ARHGEF3: variants seen among roughly 807,000 people sequenced by gnomAD.
ARHGEF3 encodes Rho guanine nucleotide exchange factor 3.
A neutral mutation model predicts 63.2 loss-of-function variants in ARHGEF3; 28 were observed. That is an observed-to-expected ratio of 0.44 (90% confidence interval 0.33 to 0.61). The LOEUF (loss-of-function observed/expected upper bound fraction) is 0.61, where lower values mean the gene tolerates loss of function less well. Ranked by LOEUF, ARHGEF3 falls within the 20% of genes least tolerant of loss-of-function variation. The probability of loss-of-function intolerance (pLI) is 0.03; values close to 1 mark genes in which losing one functional copy is unlikely to be tolerated. For missense variants in ARHGEF3, 533 were observed against 659.3 expected (o/e 0.81, Z 2.10); for synonymous variants, 266 against 254.2 (o/e 1.05, Z -0.44).
At chr3:56,895,853 A>T (rs985984903) in intron 3 of ARHGEF3, among the ~76,000 whole-genome samples, 3 of 152,220 alleles carry the variant, frequency 2.0e-5, no homozygotes, top group African/African-American at 7.2e-5. Context: ...AGACAGGGGC[A>T]TCTTTAAGGA....
chr3:57,072,643 G>A (rs1705976668), intron 1 of ARHGEF3, among the ~76,000 whole-genome samples: 2 of 150,212 alleles, frequency 1.3e-5, no homozygotes. Context: ...TAGGGAGGCT[G>A]AGGCATGAGA....
At chr3:57,036,535 T>C (rs1437415915) in intron 1 of ARHGEF3, among the ~76,000 whole-genome samples, 2 of 152,294 alleles carry the variant, frequency 1.3e-5, no homozygotes, top group East Asian at 3.9e-4. Flanking sequence ...CCTTCTTCAG[T>C]CTCAGGCATT....
intron 4 of ARHGEF3, among the ~76,000 whole-genome samples, chr3:56,812,767 G>T (rs772885050): frequency 2.6e-5 from 4 of 152,182 alleles, no homozygotes; most frequent in South Asian, 2.1e-4. Context: ...ATAGACTCAA[G>T]AACTTTTTAT....
At chr3:57,013,344 G>A (rs774196149) in intron 2 of ARHGEF3, among the ~76,000 whole-genome samples, 2 of 152,250 alleles carry the variant, frequency 1.3e-5, no homozygotes, top group African/African-American at 2.4e-5. Context: ...TCCAGTAGGG[G>A]CTTGGAGAAC....
At chr3:57,051,293 G>A (rs1704657877) in intron 1 of ARHGEF3, among the ~76,000 whole-genome samples, 1 of 152,106 alleles carries the variant, frequency 6.6e-6, no homozygotes, top group Non-Finnish European at 1.5e-5. Context: ...TTCGAGACCA[G>A]CCTGACCAAC....
intron 4 of ARHGEF3, chr3:56,882,287 C>T: frequency 6.4e-7 from 1 of 1,551,660 alleles, no homozygotes; most frequent in Non-Finnish European, 8.7e-7. Flanking sequence ...AAGGACTATA[C>T]TTACACTTAT....
At chr3:56,910,492 A>C (rs4681931) in intron 3 of ARHGEF3, among the ~76,000 whole-genome samples, 148,827 of 152,296 alleles carry the variant, frequency 0.98, 72,824 homozygotes, top group South Asian at 1. Flanking sequence ...GATATAATAT[A>C]ATCTCAGACC....
chr3:57,042,680 ATATATATATATATATATATAT>A (rs1159928948), intron 1 of ARHGEF3, among the ~76,000 whole-genome samples: 768 of 27,706 alleles, frequency 0.028, 62 homozygotes, highest in Admixed American at 0.047. Context: ...ATATATATAT[ATATATATATATATATATATAT>A]TTTTTTTTTT....
At chr3:56,934,419 T>G (rs2042494962) in intron 3 of ARHGEF3, among the ~76,000 whole-genome samples, 1 of 152,246 alleles carries the variant, frequency 6.6e-6, no homozygotes, top group African/African-American at 2.4e-5. Context: ...CTTTCTGGGC[T>G]GGCCAAGGCT....
chr3:56,883,907 T>C (rs1242529985), intron 3 of ARHGEF3, among the ~76,000 whole-genome samples: 2 of 152,198 alleles, frequency 1.3e-5, no homozygotes, highest in Non-Finnish European at 1.5e-5. Flanking sequence ...CAAACAGAAC[T>C]ACTCTTTTTT....
chr3:56,985,911 G>T (rs902301162), intron 2 of ARHGEF3, among the ~76,000 whole-genome samples: 1 of 152,232 alleles, frequency 6.6e-6, no homozygotes, highest in Non-Finnish European at 1.5e-5. Flanking sequence ...GGTCACCAGG[G>T]ACACTCAGGG....
chr3:56,945,272 A>G (rs1267524040), intron 3 of ARHGEF3, among the ~76,000 whole-genome samples: 1 of 152,126 alleles, frequency 6.6e-6, no homozygotes, highest in Non-Finnish European at 1.5e-5. Flanking sequence ...AAGTGGGTGC[A>G]GGACAGTGGA....
intron 4 of ARHGEF3, among the ~76,000 whole-genome samples, chr3:56,852,015 T>C (rs901661294): frequency 3.9e-5 from 6 of 152,342 alleles, no homozygotes; most frequent in Non-Finnish European, 4.4e-5. Context: ...TCCAGCCTTG[T>C]GGATTTGGCC....
At chr3:57,068,350 A>G (rs1705685481) in intron 1 of ARHGEF3, among the ~76,000 whole-genome samples, 1 of 152,192 alleles carries the variant, frequency 6.6e-6, no homozygotes, top group South Asian at 2.1e-4. Context: ...CTTCATTAGC[A>G]TTTATTATCA....
chr3:56,942,889 A>G (rs1251406812), intron 3 of ARHGEF3, among the ~76,000 whole-genome samples: 1 of 152,240 alleles, frequency 6.6e-6, no homozygotes, highest in East Asian at 1.9e-4. Context: ...TCTAAGCCAA[A>G]GCCTAATCCA....
chr3:56,950,983 C>T (rs1398942840), intron 3 of ARHGEF3, among the ~76,000 whole-genome samples: 1 of 151,858 alleles, frequency 6.6e-6, no homozygotes, highest in African/African-American at 2.4e-5. Context: ...TTTGTAGGGA[C>T]ATGGATGAAG....
intron 4 of ARHGEF3, among the ~76,000 whole-genome samples, chr3:56,878,385 GT>G (rs369056011): frequency 2.6e-4 from 40 of 152,178 alleles, no homozygotes; most frequent in African/African-American, 9.7e-4. Context: ...CTCAGAAATA[GT>G]TTGTGTTCTA....
chr3:57,069,583 G>A (rs1705768479), intron 1 of ARHGEF3, among the ~76,000 whole-genome samples: 1 of 152,190 alleles, frequency 6.6e-6, no homozygotes, highest in African/African-American at 2.4e-5. Flanking sequence ...ATAAAATCAT[G>A]TATTTGTGCT....
At chr3:56,894,213 T>C (rs2041220773) in intron 3 of ARHGEF3, among the ~76,000 whole-genome samples, 1 of 152,208 alleles carries the variant, frequency 6.6e-6, no homozygotes, top group South Asian at 2.1e-4. Flanking sequence ...AGCTCAGTCT[T>C]GTACACTGGA....
Sources: gnomAD v4.1 joint callset for allele counts (sites outside exome capture counted in the v4.1 genomes callset) on GRCh38, gnomAD v4.1.1 for gene constraint, MANE v1.5 for transcripts, NCBI Gene and HGNC (gene_info 2026-07-23, HGNC 2026-07-21) for gene names.